The following PNCK variants were observed in gnomAD, a reference collection of about 807,000 sequenced individuals.
The protein encoded by PNCK is calcium/calmodulin-dependent protein kinase type 1B.
Under a neutral mutation model 28.3 loss-of-function variants are expected in PNCK, and 21 were observed. The observed-to-expected ratio is 0.74, with a 90% CI of 0.53 to 1.07. The LOEUF (loss-of-function observed/expected upper bound fraction) is 1.07. Among genes scored for constraint, PNCK ranks in the 50% least tolerant of loss-of-function variants. PNCK has a pLI of 0.00. For synonymous variants in PNCK, 136 were observed against 125.2 expected (o/e 1.09, Z -0.58); for missense variants, 250 against 298.3 (o/e 0.84, Z 1.19).
At chrX:153,672,849 C>T in intron 2 of PNCK, 152 bp from the exon 3 acceptor site, 1 of 922,721 alleles carries the variant, frequency 1.1e-6, no homozygotes, top group Non-Finnish European at 1.5e-6. Flanking sequence ...TCACACATGC[C>T]ATCTCACAGA....
At chrX:153,677,122 G>A (rs2091369874), upstream of PNCK, among the ~76,000 whole-genome samples, 1 of 110,705 alleles carries the variant, frequency 9.0e-6, no homozygotes, top group Admixed American at 9.6e-5. Context: ...GTATTTTTGG[G>A]TAGAGACAGT....
upstream of PNCK, among the ~76,000 whole-genome samples, chrX:153,677,590 A>G (rs781856390): frequency 7.4e-5 from 7 of 95,095 alleles, no homozygotes; most frequent in East Asian, 1.3e-3. Context: ...TATAGTGTAT[A>G]TATATATATA....
intron 1 of PNCK, chrX:153,686,769 C>T (rs1233881086): frequency 8.9e-6 from 1 of 112,297 alleles, no homozygotes; most frequent in African/African-American, 3.2e-5. Flanking sequence ...CAGGTGACAC[C>T]GCCTGTCTCC....
chrX:153,683,040 C>G (rs1413741989), intron 1 of PNCK, among the ~76,000 whole-genome samples: 3 of 112,727 alleles, frequency 2.7e-5, no homozygotes, highest in Non-Finnish European at 5.6e-5. Flanking sequence ...TGTGAGTCAC[C>G]AGGCCCAGCC....
chrX:153,672,597 G>C lies in PNCK; in HGVS notation c.169C>G (p.Leu57Val). ...AGCACTGCGATCTCGTTCTCCACCA[G>C]GGCCTCCTTGCCCCGGAGGGCCTTC... ...PKKALRGKEA[L>V]VENEIAVLRR... Residue 57 changes from leucine (L) to valine (V), a missense_variant, in exon 3 of 12, where the codon CTG (leucine) becomes GTG (valine). Physicochemically the swap from Leu to Val is conservative, Grantham distance 32 (BLOSUM62 1). Coordinates refer to ENST00000340888, the MANE Select transcript of PNCK (RefSeq NM_001366977.1). 1.7e-6 allele frequency: 2 copies of C among 1,207,761 alleles called. No individual in the cohort carries two copies. The highest frequency in any genetic ancestry group is 2.2e-6 in the Non-Finnish European group (2 of 895,428).
chrX:153,670,708 G>C (rs369284414), intron 10 of PNCK, 36 bp downstream of exon 10: 2 of 1,161,367 alleles, frequency 1.7e-6, no homozygotes, highest in Non-Finnish European at 2.3e-6. Flanking sequence ...GCTGGGGTGC[G>C]GCGGGCGACC....
chrX:153,682,842 C>G (rs1557042626), intron 1 of PNCK, among the ~76,000 whole-genome samples: 4 of 112,520 alleles, frequency 3.6e-5, no homozygotes, highest in Non-Finnish European at 7.5e-5. Context: ...CAGCGCCTAT[C>G]CCAAAACCTA....
At chrX:153,680,627 T>C (rs782412908) in intron 1 of PNCK, among the ~76,000 whole-genome samples, 2 of 110,830 alleles carry the variant, frequency 1.8e-5, no homozygotes, top group Non-Finnish European at 3.8e-5. Context: ...CTTGGGAGGC[T>C]GAGGCAGGAG....
In PNCK at chrX:153,669,853, C is replaced by G. The variant is rs1399125579; in HGVS notation, c.*285G>C. On this transcript the variant is annotated 3_prime_UTR_variant, in exon 12 of 12. Coordinates refer to ENST00000340888, the MANE Select transcript of PNCK (RefSeq NM_001366977.1). ...CACAACAGCCGTGCAGGAAAGACAG[C>G]CCCTGAGGCCCGCCTGCCAGCACCC... 2 of 341,645 alleles carry G rather than the reference C, an allele frequency of 5.9e-6. No individual in the cohort carries two copies. The highest frequency in any genetic ancestry group is 5.3e-5 in the African/African-American group (2 of 37,925). 28.2% of individuals were successfully genotyped at this position (341,645 alleles called of 1,213,427 possible).
At chrX:153,679,566 C>CTTTTTTTTTTTTTTTT (rs1211891003), upstream of PNCK, among the ~76,000 whole-genome samples, 8 of 46,071 alleles carry the variant, frequency 1.7e-4, no homozygotes, top group African/African-American at 2.8e-4. Context: ...CTTTTCTTTT[C>CTTTTTTTTTTTTTTTT]TTTTTTTTTT....
At chrX:153,677,699 T>G (rs782050880), upstream of PNCK, among the ~76,000 whole-genome samples, 1 of 97,123 alleles carries the variant, frequency 1.0e-5, no homozygotes, top group Non-Finnish European at 2.0e-5. Flanking sequence ...GTATATATAG[T>G]GTGTGTATAT....
chrX:153,683,259 G>A (rs782440222), intron 1 of PNCK, among the ~76,000 whole-genome samples: 41 of 109,728 alleles, frequency 3.7e-4, no homozygotes, highest in African/African-American at 1.3e-3. Flanking sequence ...TCCTGCCTCA[G>A]CCTCCTGAGT....
chrX:153,685,978 G>A (rs1487388715), intron 1 of PNCK, among the ~76,000 whole-genome samples: 3 of 112,256 alleles, frequency 2.7e-5, no homozygotes, highest in African/African-American at 9.7e-5. Flanking sequence ...GCCTGGAGAA[G>A]AGCCCAGTTC....
chrX:153,685,059 C>T (rs1477006215), intron 1 of PNCK, among the ~76,000 whole-genome samples: 1 of 104,538 alleles, frequency 9.6e-6, no homozygotes, highest in African/African-American at 3.5e-5. Flanking sequence ...GCACCCCCAC[C>T]CCCTCCTGCA....
At chrX:153,674,143 T>C (rs1557041148), upstream of PNCK, 1 of 1,209,508 alleles carries the variant, frequency 8.3e-7, no homozygotes, top group Non-Finnish European at 1.1e-6. Flanking sequence ...GAGGACAGGC[T>C]GACCCGGCCA....
chrX:153,670,665 T>A, intron 10 of PNCK, 71 bp from the exon 11 acceptor site: 1 of 1,189,553 alleles, frequency 8.4e-7, no homozygotes. Flanking sequence ...AGGACTGCAG[T>A]GGTCACTGGG....
At position 153,671,107 on chromosome X, in the gene PNCK, G is replaced by C; in HGVS notation, c.698C>G (p.Ser233Cys). ...QILRASYEFD[S>C]PFWDDISESA... is the part of the protein sequence containing the mutation. The stretch of plus-strand genomic sequence containing the variant: ...TTCTGAGATGTCATCCCAGAAAGGA[G>C]AGTCAAACTCATAGCTGGCCCTCAG... The change falls in exon 8 of 12, where the codon TCT (serine) becomes TGT (cysteine). Residue 233 changes from serine (S) to cysteine (C), a missense_variant. Transcript: ENST00000340888. 8.2e-7 allele frequency: 1 copy of C among 1,212,203 alleles called. No homozygotes were observed. The highest frequency in any genetic ancestry group is 1.1e-6 in the Non-Finnish European group (1 of 895,610).
chrX:153,679,546 TTTTTC>T (rs202177998), upstream of PNCK, among the ~76,000 whole-genome samples: 85 of 95,760 alleles, frequency 8.9e-4, no homozygotes, highest in African/African-American at 3.1e-3. Context: ...TGAGTTGGGA[TTTTTC>T]TTTTCTTTTC....
chrX:153,687,529 G>A (rs1333414614), exon 1 of PNCK: 2 of 322,353 alleles, frequency 6.2e-6, no homozygotes, highest in African/African-American at 5.6e-5. Context: ...AGGGAGCACC[G>A]GGAGGAGACG....
Sources: allele counts gnomAD v4.1 joint callset (sites outside exome capture counted in the v4.1 genomes callset), GRCh38; gene constraint gnomAD v4.1.1; transcripts MANE v1.5; gene names NCBI Gene and HGNC (gene_info 2026-07-23, HGNC 2026-07-21).